Variants in TAFA5 observed in about 807,000 individuals in gnomAD.
The protein encoded by TAFA5 is chemokine-like protein TAFA-5.
In TAFA5, 6 loss-of-function variants were observed where a neutral mutation model predicts 15.3. That is an observed-to-expected ratio of 0.39 (90% confidence interval 0.21 to 0.77). The LOEUF (loss-of-function observed/expected upper bound fraction) is 0.77. Ranked by LOEUF, TAFA5 falls within the 30% of genes least tolerant of loss-of-function variation. TAFA5 has a pLI of 0.41. For synonymous variants in TAFA5, 103 were observed against 80.7 expected (o/e 1.28, Z -1.48); for missense variants, 161 against 193.1 (o/e 0.83, Z 0.98).
At chr22:48,631,155 T>G (rs1220871718) in intron 1 of TAFA5, among the ~76,000 whole-genome samples, 3 of 152,184 alleles carry the variant, frequency 2.0e-5, no homozygotes, top group Non-Finnish European at 4.4e-5. Flanking sequence ...GGACCGGGGC[T>G]GGGATGACCT....
chr22:48,740,964 G>A (rs1156781865), intron 3 of TAFA5, among the ~76,000 whole-genome samples: 5 of 152,148 alleles, frequency 3.3e-5, no homozygotes, highest in South Asian at 2.1e-4. Context: ...GCAGGGCCCC[G>A]AGTCAGCGCT....
chr22:48,744,241 G>A (rs933563146), intron 3 of TAFA5, among the ~76,000 whole-genome samples: 1 of 152,184 alleles, frequency 6.6e-6, no homozygotes, highest in Non-Finnish European at 1.5e-5. Flanking sequence ...AGACCGAGGG[G>A]AGCTCTGGGC....
intron 2 of TAFA5, among the ~76,000 whole-genome samples, chr22:48,652,796 C>T (rs1418355035): frequency 1.7e-5 from 1 of 60,290 alleles, no homozygotes; most frequent in Non-Finnish European, 3.2e-5. Context: ...ACCTGCCTGC[C>T]TCAGGAGGCA....
At chr22:48,556,179 A>G (rs1923031241) in intron 1 of TAFA5, among the ~76,000 whole-genome samples, 1 of 152,072 alleles carries the variant, frequency 6.6e-6, no homozygotes, top group Non-Finnish European at 1.5e-5. Flanking sequence ...AGAGGAGAAG[A>G]ATTTGTCCTG....
chr22:48,613,032 C>CG (rs1925468459), intron 1 of TAFA5, among the ~76,000 whole-genome samples: 1 of 152,176 alleles, frequency 6.6e-6, no homozygotes, highest in Non-Finnish European at 1.5e-5. Context: ...GCGTTTGCTG[C>CG]CTTTTCCTCA....
chr22:48,699,801 A>G (rs1281329279), intron 2 of TAFA5, among the ~76,000 whole-genome samples: 2 of 152,222 alleles, frequency 1.3e-5, no homozygotes, highest in Non-Finnish European at 2.9e-5. Context: ...TGTTCATTGC[A>G]TATTTACTGC....
chr22:48,627,277 A>T (rs1476006241), intron 1 of TAFA5, among the ~76,000 whole-genome samples: 2 of 152,234 alleles, frequency 1.3e-5, no homozygotes, highest in African/African-American at 4.8e-5. Context: ...AGTCTGCAGT[A>T]AGAGTCTTGG....
At chr22:48,718,455 G>A (rs943344549) in intron 3 of TAFA5, among the ~76,000 whole-genome samples, 7 of 152,158 alleles carry the variant, frequency 4.6e-5, no homozygotes, top group East Asian at 1.9e-4. Flanking sequence ...CCAACCACAC[G>A]CAAGCAGGGA....
At chr22:48,533,276 G>A (rs1443620403) in intron 1 of TAFA5, among the ~76,000 whole-genome samples, 1 of 152,180 alleles carries the variant, frequency 6.6e-6, no homozygotes, top group African/African-American at 2.4e-5. Context: ...TTAGGTGTGA[G>A]GGGGAGGGGT....
At chr22:48,502,250 C>T (rs1002470292) in intron 1 of TAFA5, among the ~76,000 whole-genome samples, 1 of 152,094 alleles carries the variant, frequency 6.6e-6, no homozygotes, top group African/African-American at 2.4e-5. Context: ...TTGTTGAGGC[C>T]GATGGTCTGA....
At chr22:48,633,243 C>T (rs1025079319) in intron 1 of TAFA5, among the ~76,000 whole-genome samples, 1 of 152,198 alleles carries the variant, frequency 6.6e-6, no homozygotes, top group African/African-American at 2.4e-5. Context: ...ATGAGGAGGG[C>T]ACGAATGTCA....
chr22:48,511,402 T>C (rs1295650337), intron 1 of TAFA5, among the ~76,000 whole-genome samples: 1 of 152,134 alleles, frequency 6.6e-6, no homozygotes, highest in Non-Finnish European at 1.5e-5. Context: ...CCTGGGGCTG[T>C]GCGTCTGCAG....
chr22:48,525,563 C>T (rs369237115), intron 1 of TAFA5, among the ~76,000 whole-genome samples: 1 of 152,196 alleles, frequency 6.6e-6, no homozygotes, highest in African/African-American at 2.4e-5. Flanking sequence ...GGCCCAGGTC[C>T]ACCCTCTGCC....
At position 48,595,260 on chromosome 22, in the gene TAFA5, G is replaced by A. The variant is rs577534264; in HGVS notation, c.113-51337G>A. On this transcript the variant is annotated intron_variant, in intron 1 of 3. Coordinates refer to ENST00000402357, the MANE Select transcript of TAFA5 (RefSeq NM_001082967.3). Reference sequence around the variant, plus strand: ...CTGGGAGGAGGCACCACCACCACCCGTGATCAGCTCCAACCTCAAACTTCA... The same window carrying A: ...CTGGGAGGAGGCACCACCACCACCCATGATCAGCTCCAACCTCAAACTTCA... Among the ~76,000 whole-genome samples, 13 of 152,296 alleles carry A rather than the reference G, an allele frequency of 8.5e-5. No individual in the cohort carries two copies. The South Asian group carries it at 2.3e-3, about 27-fold the overall frequency.
intron 2 of TAFA5, among the ~76,000 whole-genome samples, chr22:48,702,102 G>C (rs1928926010): frequency 6.7e-6 from 1 of 148,440 alleles, no homozygotes; most frequent in African/African-American, 2.6e-5. Context: ...TAGTCTGCAA[G>C]AGGGCACACA....
intron 2 of TAFA5, among the ~76,000 whole-genome samples, chr22:48,663,498 C>T (rs1224103421): frequency 3.3e-5 from 5 of 152,198 alleles, no homozygotes; most frequent in African/African-American, 1.2e-4. Flanking sequence ...CCAGCTGACT[C>T]TGTCTCTATC....
intron 3 of TAFA5, among the ~76,000 whole-genome samples, chr22:48,749,099 G>A (rs745374008): frequency 6.6e-6 from 1 of 152,180 alleles, no homozygotes; most frequent in Non-Finnish European, 1.5e-5. Context: ...CATGGGGACC[G>A]TGTGAGGATG....
At chr22:48,749,740 C>G in intron 3 of TAFA5, 99 bp from the exon 4 acceptor site, 1 of 1,410,210 alleles carries the variant, frequency 7.1e-7, no homozygotes, top group Non-Finnish European at 9.8e-7. Context: ...TCCAGGAGGC[C>G]GGCTGGCAGG....
intron 1 of TAFA5, among the ~76,000 whole-genome samples, chr22:48,578,863 G>A (rs530148609): frequency 1.3e-5 from 2 of 152,182 alleles, no homozygotes; most frequent in East Asian, 1.9e-4. Context: ...GTGCAGGGAG[G>A]GGGGTGGCCG....
Sources: gnomAD v4.1 joint callset for allele counts (sites outside exome capture counted in the v4.1 genomes callset) on GRCh38, gnomAD v4.1.1 for gene constraint, MANE v1.5 for transcripts, NCBI Gene and HGNC (gene_info 2026-07-23, HGNC 2026-07-21) for gene names.